RNF17: variants seen among roughly 807,000 people sequenced by gnomAD.
RNF17 encodes the protein spermatogenesis associated 23.
In RNF17, 31 loss-of-function variants were observed where a neutral mutation model predicts 200.5. The ratio of observed to expected loss-of-function variants is 0.15; its 90% CI spans 0.12 to 0.21. RNF17 has a LOEUF of 0.21. Among genes scored for constraint, RNF17 ranks in the 10% least tolerant of loss-of-function variants. The pLI is 1.00. For synonymous variants in RNF17, 606 were observed against 637.8 expected (o/e 0.95, Z 0.75); for missense variants, 1,628 against 1,905.1 (o/e 0.85, Z 2.71).
chr13:24,774,798 T>C lies in RNF17; in HGVS notation c.226-15T>C, dbSNP rs752974512. The C allele has an allele frequency of 1.7e-5, 27 of 1,569,618 alleles. No homozygotes were observed. Among genetic ancestry groups the C allele is most frequent in the Non-Finnish European group, 2.2e-5 (25 of 1,145,372 alleles). On this transcript the variant is annotated splice_polypyrimidine_tract_variant and intron_variant, in intron 2 of 35. Coordinates refer to ENST00000255324, the MANE Select transcript of RNF17 (RefSeq NM_031277.3). ...TTGGGTGACTTTGTTTTTTTAAACC[T>C]TATTTTGTCCTAAGGTTGCTACAGC...
the RNF17 span, among the ~76,000 whole-genome samples, chr13:24,756,780 A>G: frequency 1.3e-5 from 2 of 152,162 alleles, no homozygotes; most frequent in Non-Finnish European, 2.9e-5. Flanking sequence ...ATAACTTAAA[A>G]TCGACCGAAG....
At position 24,874,175 on chromosome 13, in the gene RNF17, T is replaced by C; in HGVS notation, c.4509T>C (p.Ile1503=). 1.2e-6 allele frequency: 2 copies of C among 1,611,994 alleles called. No individual in the cohort carries two copies. Among genetic ancestry groups the C allele is most frequent in the Middle Eastern group, 1.7e-4 (1 of 6,052 alleles). The change falls in exon 33 of 36, where the codon ATT becomes ATC. Residue 1503 remains isoleucine (I), a synonymous_variant. Transcript: ENST00000255324. ...GLWYRAKIVA[I]KEFNPLSILV... ...GGTATAGAGCGAAGATTGTTGCCATTAAAGAATTTAATCCTTTATCTATCT... is the reference window on the plus strand; with the variant it reads ...GGTATAGAGCGAAGATTGTTGCCATCAAAGAATTTAATCCTTTATCTATCT...
intron 18 of RNF17, among the ~76,000 whole-genome samples, chr13:24,832,765 C>T (rs1889554334): frequency 6.6e-6 from 1 of 152,050 alleles, no homozygotes; most frequent in Non-Finnish European, 1.5e-5. Context: ...TTTTTTGAGA[C>T]AGGGTTTCAT....
chr13:24,877,266 G>A (rs1460298073), intron 34 of RNF17, 80 bp downstream of exon 34: 22 of 1,154,082 alleles, frequency 1.9e-5, no homozygotes, highest in South Asian at 5.3e-5. Flanking sequence ...TCTATGCAGC[G>A]TCTACATGCG....
intron 5 of RNF17, among the ~76,000 whole-genome samples, chr13:24,780,741 G>GAAA: frequency 6.6e-6 from 1 of 152,132 alleles, no homozygotes; most frequent in East Asian, 1.9e-4. Flanking sequence ...AGTTAGCCGG[G>GAAA]CATGGTGGCA....
intron 15 of RNF17, among the ~76,000 whole-genome samples, chr13:24,815,050 G>A (rs141959363): frequency 4.2e-4 from 64 of 152,176 alleles, no homozygotes; most frequent in Admixed American, 2.2e-3. Context: ...ATTTTCTCAT[G>A]TATAAGATCA....
At chr13:24,882,968 C>G, downstream of RNF17, 2 of 572,170 alleles carry the variant, frequency 3.5e-6, no homozygotes, top group East Asian at 3.0e-5. Flanking sequence ...TTTCCTTAGT[C>G]TATTGAAAGA....
At chr13:24,875,241 T>A (rs7329498) in intron 33 of RNF17, among the ~76,000 whole-genome samples, 2 of 152,172 alleles carry the variant, frequency 1.3e-5, no homozygotes, top group African/African-American at 4.8e-5. Context: ...CAACAAACAT[T>A]AAATTTATGG....
intron 14 of RNF17, among the ~76,000 whole-genome samples, chr13:24,803,193 C>G (rs1360597081): frequency 6.6e-6 from 1 of 152,136 alleles, no homozygotes; most frequent in Admixed American, 6.5e-5. Flanking sequence ...TTAACTGTTC[C>G]TAAATTTTCC....
intron 23 of RNF17, 63 bp from the exon 24 acceptor site, chr13:24,851,393 C>T: frequency 9.1e-7 from 1 of 1,095,842 alleles, no homozygotes; most frequent in Non-Finnish European, 1.4e-6. Context: ...GTGAAATGCA[C>T]ATTGTTTATA....
upstream of RNF17, among the ~76,000 whole-genome samples, chr13:24,762,358 G>A (rs1035749165): frequency 1.8e-5 from 2 of 113,586 alleles, no homozygotes; most frequent in Admixed American, 1.1e-4. Flanking sequence ...GACAGAGCAA[G>A]ACTCCATTTC....
chr13:24,885,022 T>A, the RNF17 span, among the ~76,000 whole-genome samples: 2 of 152,206 alleles, frequency 1.3e-5, no homozygotes, highest in African/African-American at 4.8e-5. Flanking sequence ...AGGATCAGTA[T>A]AAGAAAGGCT....
chr13:24,879,310 T>C lies in RNF17; in HGVS notation c.*10+15T>C. ...AGTGCCTAAGTGTAAGTTCTCATTC[T>C]CTTCATAGCATAAGGCATGGGACTA... On this transcript the variant is annotated intron_variant, in intron 35 of 35. Coordinates refer to ENST00000255324, the MANE Select transcript of RNF17 (RefSeq NM_031277.3). The C allele has an allele frequency of 6.8e-7, 1 of 1,476,908 alleles. No individual in the cohort carries two copies. 91.5% of individuals were successfully genotyped at this position (1,476,908 alleles called of 1,614,324 possible).
chr13:24,861,052 T>A (rs1893043241), intron 26 of RNF17, among the ~76,000 whole-genome samples: 1 of 152,012 alleles, frequency 6.6e-6, no homozygotes, highest in Admixed American at 6.5e-5. Context: ...TAATTTTTTT[T>A]ATTTTTGTTA....
chr13:24,779,729 G>C lies in RNF17; in HGVS notation c.492G>C (p.Gln164His). The change falls in exon 5 of 36, where the codon CAG becomes CAC. Residue 164 changes from glutamine to histidine, a missense_variant. By Grantham distance (24) the Gln-to-His change is conservative. Transcript: ENST00000255324. ...ATACAGCACACCATAGTTTCGAACAGTTAAGCATTGCTGGAAAAGTAAGCA... is the reference window on the plus strand; with the variant it reads ...ATACAGCACACCATAGTTTCGAACACTTAAGCATTGCTGGAAAAGTAAGCA... ...ALNTAHHSFE[Q>H]LSIAGKALEH... The C allele has an allele frequency of 6.2e-7, 1 of 1,613,254 alleles. No homozygotes were observed. Among genetic ancestry groups the C allele is most frequent in the Non-Finnish European group, 8.5e-7 (1 of 1,179,356 alleles).
At chr13:24,756,407 T>C in the RNF17 span, among the ~76,000 whole-genome samples, 1 of 152,210 alleles carries the variant, frequency 6.6e-6, no homozygotes, top group Non-Finnish European at 1.5e-5. Flanking sequence ...ATATAGTTTC[T>C]TGAGCTGATC....
intron 1 of RNF17, among the ~76,000 whole-genome samples, chr13:24,765,955 C>A (rs897186740): frequency 2.0e-5 from 3 of 152,218 alleles, no homozygotes; most frequent in Non-Finnish European, 4.4e-5. Flanking sequence ...AGGCCGGGCA[C>A]AGTGGCTCAC....
At chr13:24,801,638 T>C (rs958408696) in intron 13 of RNF17, among the ~76,000 whole-genome samples, 3 of 152,112 alleles carry the variant, frequency 2.0e-5, no homozygotes, top group African/African-American at 7.2e-5. Context: ...AAAAATTGTT[T>C]GCCCAGTGGG....
chr13:24,768,030 C>T (rs753542233), intron 2 of RNF17, among the ~76,000 whole-genome samples: 32 of 152,078 alleles, frequency 2.1e-4, no homozygotes, highest in Non-Finnish European at 1.8e-4. Flanking sequence ...TTTGAACTCC[C>T]CCCCTGCCCC....
Sources: allele counts gnomAD v4.1 joint callset (sites outside exome capture counted in the v4.1 genomes callset), GRCh38; gene constraint gnomAD v4.1.1; transcripts MANE v1.5; gene names NCBI Gene and HGNC (gene_info 2026-07-23, HGNC 2026-07-21).